Variants in DOCK4 observed in about 807,000 individuals in gnomAD.
The protein encoded by DOCK4 is dedicator of cytokinesis protein 4.
DOCK4 carries 97 observed loss-of-function variants against 268.1 expected under a neutral mutation model. The ratio of observed to expected loss-of-function variants is 0.36; its 90% CI spans 0.31 to 0.43. DOCK4 has a LOEUF of 0.43. DOCK4 is among the 20% of genes least tolerant of loss of function. DOCK4 has a pLI of 1.00. For missense variants in DOCK4, 2,145 were observed against 2,455.7 expected (o/e 0.87, Z 2.67); for synonymous variants, 954 against 887.2 (o/e 1.08, Z -1.34).
At chr7:112,103,631 C>A (rs920183014) in intron 1 of DOCK4, among the ~76,000 whole-genome samples, 5 of 152,120 alleles carry the variant, frequency 3.3e-5, no homozygotes, top group African/African-American at 7.2e-5. Flanking sequence ...CCTGTAATCC[C>A]AGCACTTTGG....
chr7:111,780,761 G>A (rs1196893797), intron 35 of DOCK4, among the ~76,000 whole-genome samples: 2 of 152,214 alleles, frequency 1.3e-5, no homozygotes, highest in East Asian at 3.8e-4. Flanking sequence ...GAGGAAGTGA[G>A]TAAATGAAGA....
At chr7:112,200,725 T>TAAAAAAAAAAAAAAAAAAA (rs1335683859) in intron 1 of DOCK4, among the ~76,000 whole-genome samples, 3 of 102,748 alleles carry the variant, frequency 2.9e-5, no homozygotes, top group African/African-American at 6.7e-5. Context: ...GCCTCTAAAA[T>TAAAAAAAAAAAAAAAAAAA]AAAAAAAAAA....
At chr7:111,803,460 G>A (rs777240703) in intron 30 of DOCK4, among the ~76,000 whole-genome samples, 4 of 152,152 alleles carry the variant, frequency 2.6e-5, no homozygotes, top group South Asian at 2.1e-4. Context: ...CCTGCTACTT[G>A]GACTGTTGGA....
rs767535885 is a variant in DOCK4 at position 111,790,599 on chromosome 7, T to C, written c.3173A>G (p.His1058Arg). 4 of 1,611,914 alleles carry C rather than the reference T, an allele frequency of 2.5e-6. No homozygotes were observed. Among genetic ancestry groups the C allele is most frequent in the South Asian group, 2.2e-5 (2 of 90,620 alleles). ...IFSMWQNLGE[H>R]KLHFIPALIG... ...CAGGGCAGGGATAAAATGAAGCTTG[T>C]GCTCTCCTAAAGTGAGAAAAATATT... Residue 1058 changes from histidine to arginine, a missense_variant, in exon 31 of 53, where the codon CAC becomes CGC. Physicochemically the swap from His to Arg is conservative, Grantham distance 29. Transcript: ENST00000428084.
chr7:111,989,817 T>G (rs907877370), intron 5 of DOCK4, among the ~76,000 whole-genome samples: 38 of 152,230 alleles, frequency 2.5e-4, no homozygotes, highest in Non-Finnish European at 1.9e-4. Context: ...GAAGACAAGT[T>G]AAAATCCTGG....
Position 111,872,090 on chromosome 7 carries a change from C to T in DOCK4, c.1927G>A (p.Val643Ile). ...TCTTGCAGCAAATTTATTATGTGAACCTAAAAAAAGAAAATTGAGCTTTAT... is the reference window on the plus strand; with the variant it reads ...TCTTGCAGCAAATTTATTATGTGAATCTAAAAAAAGAAAATTGAGCTTTAT... ...KYGSKVFDSL[V>I]HIINLLQDSK... The change falls in exon 20 of 53, where the codon GTT becomes ATT. Residue 643 changes from valine to isoleucine, a missense_variant and splice_region_variant. By Grantham distance (29) the Val-to-Ile change is conservative. Around this residue, in one of 2 missense-constraint regions of DOCK4, gnomAD observed 1,598 missense variants for 1,986.7 expected, o/e 0.80. Transcript: ENST00000428084. 6.6e-7 allele frequency: 1 copy of T among 1,526,590 alleles called. No individual in the cohort carries two copies. The highest frequency in any genetic ancestry group is 8.8e-7 in the Non-Finnish European group (1 of 1,139,592). The allele number at this position is 1,526,590 out of a possible 1,614,324, so 94.6% of individuals were successfully genotyped here.
chr7:112,014,748 T>C (rs1215293550), intron 1 of DOCK4, among the ~76,000 whole-genome samples: 1 of 152,128 alleles, frequency 6.6e-6, no homozygotes, highest in Non-Finnish European at 1.5e-5. Flanking sequence ...ATAAGAAAGT[T>C]ACAAAAATAA....
intron 26 of DOCK4, among the ~76,000 whole-genome samples, chr7:111,823,684 TAA>T (rs912283637): frequency 6.6e-5 from 10 of 152,172 alleles, no homozygotes; most frequent in Admixed American, 4.6e-4. Context: ...CTAGAAAACT[TAA>T]AGAGTTTTTG....
At chr7:111,883,556 G>T (rs1807596923) in intron 16 of DOCK4, among the ~76,000 whole-genome samples, 1 of 152,146 alleles carries the variant, frequency 6.6e-6, no homozygotes, top group Admixed American at 6.5e-5. Context: ...CATCTCTGCA[G>T]CACTTCTGCA....
At position 112,000,506 on chromosome 7, in the gene DOCK4, G is replaced by A; in HGVS notation, c.150C>T (p.Asn50=). The A allele has an allele frequency of 1.3e-6, 2 of 1,540,998 alleles. No homozygotes were observed. Among genetic ancestry groups the A allele is most frequent in the Admixed American group, 1.8e-5 (1 of 56,766 alleles). ...TAACAATTTTTACCTTGATATTTGGGTTTTTTAAGGCAAATCCTCTGTACC... is the reference window on the plus strand; with the variant it reads ...TAACAATTTTTACCTTGATATTTGGATTTTTTAAGGCAAATCCTCTGTACC... The part of the protein sequence containing the change: ...DGWYRGFALK[N]PNIKGIFPSS... The change falls in exon 3 of 53, where the codon AAC becomes AAT. Residue 50 remains asparagine (N), a synonymous_variant. Coordinates refer to ENST00000428084, the MANE Select transcript of DOCK4 (RefSeq NM_001363540.2).
rs35447217 is a variant in DOCK4 at position 112,098,490 on chromosome 7, T to G, written c.38-94359A>C. On this transcript the variant is annotated intron_variant, in intron 1 of 52. Coordinates refer to ENST00000428084, the MANE Select transcript of DOCK4 (RefSeq NM_001363540.2). ...CAGCGTCCAGCCTATAAATTATATA[T>G]CTTATAGTTAAATTATATATATATA... Among the ~76,000 whole-genome samples, 1,397 of 150,620 alleles carry G rather than the reference T, an allele frequency of 9.3e-3. 25 individuals carry two copies. The highest frequency in any genetic ancestry group is 0.032 in the African/African-American group (1,306 of 41,236).
intron 1 of DOCK4, among the ~76,000 whole-genome samples, chr7:112,020,781 C>T (rs1292520394): frequency 6.6e-6 from 1 of 151,928 alleles, no homozygotes; most frequent in African/African-American, 2.4e-5. Context: ...GGTGTGGTCA[C>T]TGCCAATCAC....
intron 39 of DOCK4, among the ~76,000 whole-genome samples, chr7:111,762,991 C>T (rs1369506959): frequency 6.6e-6 from 1 of 151,816 alleles, no homozygotes; most frequent in Non-Finnish European, 1.5e-5. Context: ...TGGTCTTGAA[C>T]TCCTGGGCTC....
At chr7:111,989,942 A>G (rs1799387198) in intron 5 of DOCK4, among the ~76,000 whole-genome samples, 1 of 152,206 alleles carries the variant, frequency 6.6e-6, no homozygotes, top group Non-Finnish European at 1.5e-5. Flanking sequence ...CTGTGCAGAG[A>G]GCACTACAGC....
chr7:112,048,389 C>CAAA (rs59810546), intron 1 of DOCK4, among the ~76,000 whole-genome samples: 32 of 72,110 alleles, frequency 4.4e-4, no homozygotes, highest in African/African-American at 9.0e-4. Flanking sequence ...ACTAAAAATA[C>CAAA]AAAAAAAAAA....
intron 1 of DOCK4, among the ~76,000 whole-genome samples, chr7:112,153,145 T>C (rs1281881794): frequency 6.6e-6 from 1 of 152,190 alleles, no homozygotes; most frequent in Admixed American, 6.6e-5. Flanking sequence ...AATAAATTCT[T>C]AGATTTATGC....
At chr7:111,956,366 G>A (rs1796449182) in intron 8 of DOCK4, among the ~76,000 whole-genome samples, 1 of 152,104 alleles carries the variant, frequency 6.6e-6, no homozygotes, top group Non-Finnish European at 1.5e-5. Context: ...TTCAAGCCCT[G>A]CAAAAACAGT....
intron 1 of DOCK4, among the ~76,000 whole-genome samples, chr7:112,089,412 T>G (rs578194178): frequency 6.6e-6 from 1 of 152,266 alleles, no homozygotes; most frequent in Non-Finnish European, 1.5e-5. Context: ...CACCAACAAA[T>G]CACCCATCCA....
rs759180337 is a variant in DOCK4 at position 111,728,696 on chromosome 7, AG to A, written c.5505del (p.Ser1836LeufsTer43). ...CCTGGCGAGTGGTACTCCACTGGAG[AG>A]GGGGTGAAAGACTGCACAGAGCCCT... The part of the protein sequence containing the change: ...PLKGSVQSFT[P>X]SPVEYHSPGL... On this transcript the variant is annotated frameshift_variant, in exon 53 of 53. Coordinates refer to ENST00000428084, the MANE Select transcript of DOCK4 (RefSeq NM_001363540.2). LOFTEE classifies it high-confidence loss of function. 1 of 1,613,020 alleles carries A rather than the reference AG, an allele frequency of 6.2e-7. No homozygotes were observed. Among genetic ancestry groups the A allele is most frequent in the Non-Finnish European group, 8.5e-7 (1 of 1,179,496 alleles).
Sources: gnomAD v4.1 joint callset for allele counts (sites outside exome capture counted in the v4.1 genomes callset) on GRCh38, gnomAD v4.1.1 for gene constraint, gnomAD v4.1.1 regional missense constraint, MANE v1.5 for transcripts, NCBI Gene and HGNC (gene_info 2026-07-23, HGNC 2026-07-21) for gene names.